The following EHBP1 variants were observed in gnomAD, a reference collection of about 807,000 sequenced individuals.
EHBP1 encodes EH domain binding protein 1.
EHBP1 carries 55 observed loss-of-function variants against 144.0 expected under a neutral mutation model. That is an observed-to-expected ratio of 0.38 (90% CI 0.31 to 0.48). The LOEUF is 0.48. Ranked by LOEUF, EHBP1 falls within the 20% of genes least tolerant of loss-of-function variation. The pLI is 0.98. For missense variants in EHBP1, 1,200 were observed against 1,364.2 expected (o/e 0.88, Z 1.90); for synonymous variants, 469 against 472.7 (o/e 0.99, Z 0.10).
At chr2:62,809,938 G>A (rs546359250) in intron 5 of EHBP1, among the ~76,000 whole-genome samples, 3 of 152,248 alleles carry the variant, frequency 2.0e-5, no homozygotes, top group African/African-American at 7.2e-5. Flanking sequence ...CTTTCTAAGA[G>A]TGACAAACTC....
chr2:63,012,753 G>A (rs2060321544), intron 19 of EHBP1, among the ~76,000 whole-genome samples: 1 of 152,128 alleles, frequency 6.6e-6, no homozygotes, highest in East Asian at 1.9e-4. Flanking sequence ...TGCAGATTAT[G>A]GCTTGCATAG....
chr2:62,934,237 T>G, intron 10 of EHBP1, among the ~76,000 whole-genome samples: 2 of 152,332 alleles, frequency 1.3e-5, no homozygotes, highest in East Asian at 3.9e-4. Context: ...TCACTAAAAT[T>G]TAATCTCAAT....
At chr2:62,980,138 C>T (rs963898894) in intron 15 of EHBP1, among the ~76,000 whole-genome samples, 1 of 152,182 alleles carries the variant, frequency 6.6e-6, no homozygotes, top group African/African-American at 2.4e-5. Flanking sequence ...CCATCCCCAA[C>T]GTTTTTGGCA....
chr2:62,871,099 T>C (rs1042114073), intron 9 of EHBP1, among the ~76,000 whole-genome samples: 2 of 152,156 alleles, frequency 1.3e-5, no homozygotes, highest in African/African-American at 4.8e-5. Flanking sequence ...GAAATAAAAT[T>C]TCTCATGGGT....
chr2:62,866,488 A>G (rs978329795), intron 9 of EHBP1, among the ~76,000 whole-genome samples: 5 of 152,256 alleles, frequency 3.3e-5, no homozygotes, highest in East Asian at 1.9e-4. Flanking sequence ...AATAACTTTT[A>G]TAAATATATT....
chr2:62,894,296 T>C (rs2052701394), intron 10 of EHBP1, among the ~76,000 whole-genome samples: 1 of 152,202 alleles, frequency 6.6e-6, no homozygotes, highest in South Asian at 2.1e-4. Context: ...GATAAGCTAG[T>C]GTGCCATAAG....
chr2:62,676,735 G>A (rs763107954), intron 1 of EHBP1, among the ~76,000 whole-genome samples: 32 of 152,050 alleles, frequency 2.1e-4, no homozygotes, highest in East Asian at 1.9e-3. Flanking sequence ...GGCCTTCGCC[G>A]GTCAGTGGAA....
chr2:62,916,702 T>C (rs902174652), intron 10 of EHBP1, among the ~76,000 whole-genome samples: 5 of 149,950 alleles, frequency 3.3e-5, no homozygotes, highest in Non-Finnish European at 5.9e-5. Flanking sequence ...TCCATATATA[T>C]TTATATATAA....
chr2:62,821,750 G>A (rs2045997761), intron 5 of EHBP1, among the ~76,000 whole-genome samples: 1 of 152,108 alleles, frequency 6.6e-6, no homozygotes, highest in African/African-American at 2.4e-5. Flanking sequence ...TACATTGCTT[G>A]CTACCATTAT....
chr2:62,962,329 TAAAATA>T lies in EHBP1; in HGVS notation c.2460+6680_2460+6685del, dbSNP rs1236586031. 2.6e-5 allele frequency among the ~76,000 whole-genome samples: 4 copies of T among 152,240 alleles called. No individual in the cohort carries two copies. In the South Asian group the frequency reaches 6.2e-4, roughly 24 times the overall value. ...CAACGGACTCCATCTCAAAAAATAATAAAATAAAAATAAAAAATAAAAGCTAATCTG... is the reference window on the plus strand; with the variant it reads ...CAACGGACTCCATCTCAAAAAATAATAAAATAAAAAATAAAAGCTAATCTG... On this transcript the variant is annotated intron_variant, in intron 14 of 22. Transcript: ENST00000431489.
intron 2 of EHBP1, among the ~76,000 whole-genome samples, chr2:62,722,982 G>C (rs2036383796): frequency 6.6e-6 from 1 of 152,188 alleles, no homozygotes; most frequent in Admixed American, 6.5e-5. Flanking sequence ...TGTATATTCT[G>C]TTGTTTTTGG....
intron 5 of EHBP1, among the ~76,000 whole-genome samples, chr2:62,807,750 C>T (rs949395056): frequency 6.6e-6 from 1 of 152,116 alleles, no homozygotes; most frequent in African/African-American, 2.4e-5. Flanking sequence ...GTCTTTATTT[C>T]TCCTTGACTT....
chr2:63,039,580 ATATTGACC>A (rs1306191476), intron 21 of EHBP1, among the ~76,000 whole-genome samples: 3 of 152,076 alleles, frequency 2.0e-5, no homozygotes, highest in Non-Finnish European at 4.4e-5. Context: ...TTCCTATTCT[ATATTGACC>A]TCTTAACCCA....
At chr2:62,741,176 T>A (rs1226084435) in intron 2 of EHBP1, among the ~76,000 whole-genome samples, 1 of 152,086 alleles carries the variant, frequency 6.6e-6, no homozygotes, top group African/African-American at 2.4e-5. Context: ...AATATACTAG[T>A]TTATTATTCA....
intron 10 of EHBP1, among the ~76,000 whole-genome samples, chr2:62,883,881 G>A (rs2051690750): frequency 6.6e-6 from 1 of 152,182 alleles, no homozygotes; most frequent in Non-Finnish European, 1.5e-5. Context: ...TAAGGTGGGA[G>A]GATCACTTGA....
intron 4 of EHBP1, among the ~76,000 whole-genome samples, chr2:62,765,745 G>T (rs913520689): frequency 1.3e-5 from 2 of 152,266 alleles, no homozygotes; most frequent in Non-Finnish European, 1.5e-5. Context: ...GATACTAACT[G>T]TGCTGGAGCT....
At chr2:62,960,795 G>A (rs1260149871) in intron 14 of EHBP1, among the ~76,000 whole-genome samples, 1 of 152,158 alleles carries the variant, frequency 6.6e-6, no homozygotes, top group African/African-American at 2.4e-5. Flanking sequence ...ATTGAGCAGA[G>A]GAAGTTAGTG....
intron 10 of EHBP1, among the ~76,000 whole-genome samples, chr2:62,885,474 AAGTT>A (rs2051847808): frequency 6.6e-6 from 1 of 152,192 alleles, no homozygotes; most frequent in Admixed American, 6.5e-5. Context: ...CCAGTAAAAT[AAGTT>A]AGTTCCAATG....
chr2:62,773,903 CGTGA>C (rs2041871654), intron 5 of EHBP1, among the ~76,000 whole-genome samples: 1 of 113,154 alleles, frequency 8.8e-6, no homozygotes, highest in African/African-American at 3.3e-5. Flanking sequence ...AGAAGAATAA[CGTGA>C]GTAACATCCA....
Sources: allele counts gnomAD v4.1 joint callset (sites outside exome capture counted in the v4.1 genomes callset), GRCh38; gene constraint gnomAD v4.1.1; transcripts MANE v1.5; gene names NCBI Gene and HGNC (gene_info 2026-07-23, HGNC 2026-07-21).